The following COL23A1 variants were observed in gnomAD, a reference collection of about 807,000 sequenced individuals.
COL23A1 encodes collagen type XXIII alpha 1 chain.
COL23A1 carries 97 observed loss-of-function variants against 99.3 expected under a neutral mutation model. The ratio of observed to expected loss-of-function variants is 0.98; its 90% CI spans 0.83 to 1.16. COL23A1 has a LOEUF of 1.16. Ranked by LOEUF, COL23A1 falls within the 50% of genes most tolerant of loss-of-function variation. The pLI is 0.00. For synonymous variants in COL23A1, 320 were observed against 308.2 expected (o/e 1.04, Z -0.40); for missense variants, 762 against 757.4 (o/e 1.01, Z -0.07).
At chr5:178,330,146 T>G (rs1425578600) in intron 2 of COL23A1, among the ~76,000 whole-genome samples, 2 of 152,158 alleles carry the variant, frequency 1.3e-5, no homozygotes, top group African/African-American at 4.8e-5. Flanking sequence ...CTGAAAAGCC[T>G]GGGCCCCTGG....
chr5:178,480,459 C>T (rs1323186678), intron 2 of COL23A1, among the ~76,000 whole-genome samples: 2 of 152,208 alleles, frequency 1.3e-5, no homozygotes, highest in Non-Finnish European at 2.9e-5. Flanking sequence ...ACCTGGTGCA[C>T]CTCCCACCCG....
chr5:178,465,470 A>G (rs1756365537), intron 2 of COL23A1, among the ~76,000 whole-genome samples: 1 of 152,274 alleles, frequency 6.6e-6, no homozygotes, highest in South Asian at 2.1e-4. Context: ...CATTCTTCAC[A>G]CAGAGGCAGA....
chr5:178,550,770 CAGA>C (rs1761957505), intron 2 of COL23A1, among the ~76,000 whole-genome samples: 2 of 152,128 alleles, frequency 1.3e-5, no homozygotes, highest in Non-Finnish European at 2.9e-5. Context: ...TGACACCCCA[CAGA>C]GTAAAAGGCT....
intron 10 of COL23A1, 21 bp from the exon 11 acceptor site, chr5:178,261,769 G>T: frequency 6.3e-7 from 1 of 1,597,086 alleles, no homozygotes; most frequent in Non-Finnish European, 8.6e-7. Context: ...AGAAGAGAAG[G>T]TGTTAAATGT....
intron 2 of COL23A1, among the ~76,000 whole-genome samples, chr5:178,507,484 G>T (rs755846701): frequency 4.6e-5 from 7 of 152,216 alleles, no homozygotes; most frequent in Non-Finnish European, 8.8e-5. Flanking sequence ...TGCTCTGTAA[G>T]ACGCTGATAA....
intron 2 of COL23A1, among the ~76,000 whole-genome samples, chr5:178,501,502 A>G (rs563314895): frequency 1.3e-5 from 2 of 151,742 alleles, no homozygotes; most frequent in East Asian, 3.9e-4. Flanking sequence ...AATCGCTTAG[A>G]GCCCGGGAGG....
In COL23A1 at chr5:178,501,818, C is replaced by A. The variant is rs541619524; in HGVS notation, c.361+58864G>T. 3.5e-4 allele frequency among the ~76,000 whole-genome samples: 53 copies of A among 152,318 alleles called. 1 individual carries two copies. Among genetic ancestry groups the A allele is most frequent in the African/African-American group, 1.2e-3 (49 of 41,572 alleles). ...GGGCACCACTGGAGACCAGGAACTC[C>A]CACCCAGCCAGCCCAGCACTAATCA... On this transcript the variant is annotated intron_variant, in intron 2 of 28. Transcript: ENST00000390654.
At chr5:178,325,202 G>A (rs1036291547) in intron 2 of COL23A1, among the ~76,000 whole-genome samples, 4 of 152,138 alleles carry the variant, frequency 2.6e-5, no homozygotes, top group Non-Finnish European at 4.4e-5. Context: ...TGCCTGCCCC[G>A]TTTCCTCTCT....
rs117603522 is a variant in COL23A1, at chr5:178,328,301, C to T, written c.362-21382G>A. On this transcript the variant is annotated intron_variant, in intron 2 of 28. Coordinates refer to ENST00000390654, the MANE Select transcript of COL23A1 (RefSeq NM_173465.4). ...GTTTTCACCTCTGGGCCTCCCTTCCCCCAGGCTCTGCTCTTTCCATCCAGC... is the reference window on the plus strand; with the variant it reads ...GTTTTCACCTCTGGGCCTCCCTTCCTCCAGGCTCTGCTCTTTCCATCCAGC... 1.2e-3 allele frequency among the ~76,000 whole-genome samples: 181 copies of T among 152,310 alleles called. 3 individuals carry two copies. In the East Asian group the frequency reaches 0.03, roughly 25 times the overall value.
At chr5:178,551,965 A>T (rs1265908419) in intron 2 of COL23A1, among the ~76,000 whole-genome samples, 2 of 151,972 alleles carry the variant, frequency 1.3e-5, no homozygotes, top group Non-Finnish European at 2.9e-5. Context: ...CGGTGCTCGG[A>T]GCTCCCCTCT....
intron 2 of COL23A1, among the ~76,000 whole-genome samples, chr5:178,430,344 T>C (rs1367258898): frequency 6.6e-6 from 1 of 152,142 alleles, no homozygotes; most frequent in African/African-American, 2.4e-5. Flanking sequence ...CTGTCAAGAA[T>C]TCCAGAAACG....
chr5:178,242,402 A>G lies in COL23A1; in HGVS notation c.1441-8T>C. ...TCGGGGTCCAGGGAAACCCTGACAA[A>G]AGGATTAGATGCTAAACCCGAAAAT... On this transcript the variant is annotated splice_polypyrimidine_tract_variant and splice_region_variant and intron_variant, in intron 25 of 28. Coordinates refer to ENST00000390654, the MANE Select transcript of COL23A1 (RefSeq NM_173465.4). The G allele has an allele frequency of 1.2e-6, 2 of 1,614,000 alleles. No homozygotes were observed. The highest frequency in any genetic ancestry group is 1.7e-6 in the Non-Finnish European group (2 of 1,179,976).
At chr5:178,345,147 C>T (rs1282886501) in intron 2 of COL23A1, 1 of 643,584 alleles carries the variant, frequency 1.6e-6, no homozygotes, top group East Asian at 4.2e-5. Flanking sequence ...AATCTCTTGG[C>T]ACATTTAGCT....
At chr5:178,489,181 G>A (rs1236223238) in intron 2 of COL23A1, among the ~76,000 whole-genome samples, 1 of 152,244 alleles carries the variant, frequency 6.6e-6, no homozygotes, top group South Asian at 2.1e-4. Flanking sequence ...ACCACCCAAC[G>A]GCTGGGGGCC....
rs1758567885 is a variant in COL23A1 at position 178,309,760 on chromosome 5, A to T, written c.362-2841T>A. Among the ~76,000 whole-genome samples, 3 of 149,506 alleles carry T rather than the reference A, an allele frequency of 2.0e-5. No individual in the cohort carries two copies. The highest frequency in any genetic ancestry group is 2.0e-4 in the Admixed American group (3 of 14,990). ...CAACCTGGACCCCTTCCTTCTCAGCATCAGGCGAACGCTGCCCCTGCACTC... is the reference window on the plus strand; with the variant it reads ...CAACCTGGACCCCTTCCTTCTCAGCTTCAGGCGAACGCTGCCCCTGCACTC... On this transcript the variant is annotated intron_variant, in intron 2 of 28. Coordinates refer to ENST00000390654, the MANE Select transcript of COL23A1 (RefSeq NM_173465.4). The surrounding 1 kb of genome is among the most constrained non-coding windows in gnomAD (Gnocchi z 4.7).
intron 1 of COL23A1, among the ~76,000 whole-genome samples, chr5:178,568,147 T>C (rs1456781453): frequency 6.6e-6 from 1 of 152,214 alleles, no homozygotes; most frequent in African/African-American, 2.4e-5. Flanking sequence ...CTATCCCAAA[T>C]TGTGAGACAT....
intron 2 of COL23A1, among the ~76,000 whole-genome samples, chr5:178,546,163 C>G (rs1049005568): frequency 6.6e-6 from 1 of 152,122 alleles, no homozygotes; most frequent in African/African-American, 2.4e-5. Flanking sequence ...TCTATCTCCC[C>G]TCCACCTCAA....
chr5:178,433,664 C>CTT (rs1766388883), intron 2 of COL23A1, among the ~76,000 whole-genome samples: 1 of 152,162 alleles, frequency 6.6e-6, no homozygotes, highest in Non-Finnish European at 1.5e-5. Flanking sequence ...TCCTATCACT[C>CTT]TGAATAGTCC....
intron 1 of COL23A1, among the ~76,000 whole-genome samples, chr5:178,585,726 CACT>C (rs1763947630): frequency 5.6e-4 from 1 of 1,776 alleles, no homozygotes; most frequent in Non-Finnish European, 1.1e-3. Flanking sequence ...GCTGGGGTAA[CACT>C]CCACAGCCCT....
Sources: gnomAD v4.1 joint callset for allele counts (sites outside exome capture counted in the v4.1 genomes callset) on GRCh38, gnomAD v4.1.1 for gene constraint, Gnocchi (gnomAD v3.1) non-coding constraint, MANE v1.5 for transcripts, NCBI Gene and HGNC (gene_info 2026-07-23, HGNC 2026-07-21) for gene names.